Variants in LRRC4C observed in about 807,000 individuals in gnomAD.
LRRC4C encodes the protein leucine-rich repeat-containing protein 4C.
In LRRC4C, 5 loss-of-function variants were observed where a neutral mutation model predicts 33.6. That is an observed-to-expected ratio of 0.15 (90% CI 0.08 to 0.31). The LOEUF (loss-of-function observed/expected upper bound fraction) is 0.31. Among genes scored for constraint, LRRC4C ranks in the 10% least tolerant of loss-of-function variants. The pLI, the probability that LRRC4C is intolerant of heterozygous loss-of-function variation, is 1.00. For missense variants in LRRC4C, 560 were observed against 796.7 expected, an observed-to-expected ratio of 0.70 and a Z score of 3.58; for synonymous variants, 329 against 302.0, an observed-to-expected ratio of 1.09 and a Z score of -0.93.
intron 1 of LRRC4C, among the ~76,000 whole-genome samples, chr11:41,112,150 A>G (rs987639343): frequency 6.6e-6 from 1 of 152,074 alleles, no homozygotes; most frequent in Middle Eastern, 3.2e-3. Context: ...AACAGCCAGA[A>G]GCTGTCATGG....
intron 2 of LRRC4C, among the ~76,000 whole-genome samples, chr11:40,730,587 C>T (rs751334967): frequency 3.3e-5 from 5 of 152,098 alleles, no homozygotes; most frequent in Non-Finnish European, 5.9e-5. Context: ...TAAAATAGTG[C>T]AAGAACCCAG....
At chr11:40,440,542 G>A (rs1428337607) in intron 3 of LRRC4C, among the ~76,000 whole-genome samples, 2 of 151,942 alleles carry the variant, frequency 1.3e-5, no homozygotes, top group African/African-American at 4.8e-5. Flanking sequence ...TCATTCTCTT[G>A]AAAACTAAGT....
intron 3 of LRRC4C, among the ~76,000 whole-genome samples, chr11:40,605,423 A>G (rs1172788151): frequency 3.3e-5 from 5 of 152,218 alleles, no homozygotes; most frequent in Non-Finnish European, 5.9e-5. Flanking sequence ...ATTCAACAAT[A>G]CATGAACCTA....
intron 2 of LRRC4C, among the ~76,000 whole-genome samples, chr11:40,731,399 G>A (rs1288957868): frequency 6.6e-6 from 1 of 152,076 alleles, no homozygotes; most frequent in Non-Finnish European, 1.5e-5. Flanking sequence ...CATGTGACAT[G>A]ACTGCTCCTG....
chr11:40,695,020 T>C (rs1162875463), intron 2 of LRRC4C, among the ~76,000 whole-genome samples: 2 of 152,170 alleles, frequency 1.3e-5, no homozygotes, highest in Admixed American at 6.6e-5. Flanking sequence ...TAAGTATCTA[T>C]TGTGCAGATA....
intron 1 of LRRC4C, among the ~76,000 whole-genome samples, chr11:41,346,832 C>G (rs1951819652): frequency 6.6e-6 from 1 of 152,098 alleles, no homozygotes. Flanking sequence ...CCAACTGGGA[C>G]ACCAAATTAA....
chr11:40,272,899 T>C (rs868830787), intron 4 of LRRC4C, among the ~76,000 whole-genome samples: 3 of 152,090 alleles, frequency 2.0e-5, no homozygotes, highest in Non-Finnish European at 2.9e-5. Flanking sequence ...TTAGTTATAC[T>C]AATTCAACCA....
chr11:41,032,195 G>T (rs1856767180), intron 1 of LRRC4C, among the ~76,000 whole-genome samples: 1 of 152,022 alleles, frequency 6.6e-6, no homozygotes, highest in Non-Finnish European at 1.5e-5. Flanking sequence ...TTCTGCCCCA[G>T]ATTAATCTCA....
intron 1 of LRRC4C, among the ~76,000 whole-genome samples, chr11:41,393,475 G>C (rs1953683443): frequency 6.6e-6 from 1 of 151,766 alleles, no homozygotes; most frequent in African/African-American, 2.4e-5. Flanking sequence ...TAAGTGAGAG[G>C]GGTAGGGGCA....
chr11:40,807,927 A>G (rs1047984186), intron 2 of LRRC4C, among the ~76,000 whole-genome samples: 2 of 152,170 alleles, frequency 1.3e-5, no homozygotes, highest in Non-Finnish European at 2.9e-5. Context: ...GCCTGGGAAT[A>G]ATATTTTTGA....
intron 2 of LRRC4C, among the ~76,000 whole-genome samples, chr11:40,895,570 T>A (rs1468265993): frequency 6.6e-6 from 1 of 152,106 alleles, no homozygotes; most frequent in Non-Finnish European, 1.5e-5. Context: ...GATACTTGAG[T>A]CTTCTGTTTT....
chr11:41,453,403 C>T (rs1206007930), intron 1 of LRRC4C, among the ~76,000 whole-genome samples: 1 of 152,106 alleles, frequency 6.6e-6, no homozygotes, highest in Admixed American at 6.6e-5. Flanking sequence ...GAGATACTAA[C>T]ATCACATCTT....
At chr11:40,626,835 C>T (rs1008249865) in intron 3 of LRRC4C, among the ~76,000 whole-genome samples, 1 of 152,166 alleles carries the variant, frequency 6.6e-6, no homozygotes, top group Non-Finnish European at 1.5e-5. Flanking sequence ...TCCTTGTACC[C>T]TGACCCAGCA....
intron 1 of LRRC4C, among the ~76,000 whole-genome samples, chr11:41,281,304 A>T (rs2136934934): frequency 6.6e-6 from 1 of 152,186 alleles, no homozygotes; most frequent in East Asian, 1.9e-4. Context: ...CCCGCATCAC[A>T]CTCTGTGTCT....
intron 1 of LRRC4C, among the ~76,000 whole-genome samples, chr11:41,379,806 T>G (rs1953075901): frequency 6.6e-6 from 1 of 152,120 alleles, no homozygotes; most frequent in Non-Finnish European, 1.5e-5. Flanking sequence ...TTGAAATAAT[T>G]AAACAAGATC....
chr11:41,319,853 T>C (rs1278692194), intron 1 of LRRC4C, among the ~76,000 whole-genome samples: 2 of 152,194 alleles, frequency 1.3e-5, no homozygotes, highest in African/African-American at 4.8e-5. Flanking sequence ...ACCCAACTGT[T>C]GCCAACTAAG....
At chr11:40,988,874 G>A (rs376370985) in intron 1 of LRRC4C, among the ~76,000 whole-genome samples, 13 of 151,674 alleles carry the variant, frequency 8.6e-5, no homozygotes, top group South Asian at 6.2e-4. Context: ...CTGCCACCAC[G>A]CCCGGCTAAT....
intron 1 of LRRC4C, among the ~76,000 whole-genome samples, chr11:41,123,609 T>C (rs1001435708): frequency 6.6e-6 from 1 of 152,144 alleles, no homozygotes; most frequent in Non-Finnish European, 1.5e-5. Context: ...CCACTGGTTC[T>C]AGCTTTGTCC....
At chr11:40,306,515 T>C (rs1322902872) in intron 4 of LRRC4C, among the ~76,000 whole-genome samples, 1 of 152,218 alleles carries the variant, frequency 6.6e-6, no homozygotes, top group Non-Finnish European at 1.5e-5. Context: ...GTGTATGGCA[T>C]GTGTCCCTTC....
Sources: gnomAD v4.1 joint callset for allele counts (sites outside exome capture counted in the v4.1 genomes callset) on GRCh38, gnomAD v4.1.1 for gene constraint, MANE v1.5 for transcripts, NCBI Gene and HGNC (gene_info 2026-07-23, HGNC 2026-07-21) for gene names.